Variants in EPB41L4B observed in about 807,000 individuals in gnomAD.
EPB41L4B encodes the protein erythrocyte membrane protein band 4.1 like 4B, also known as band 4.1-like protein 4B.
In EPB41L4B, 30 loss-of-function variants were observed where a neutral mutation model predicts 112.5. The observed-to-expected ratio is 0.27, with a 90% CI of 0.20 to 0.36. EPB41L4B has a LOEUF of 0.36. EPB41L4B is among the 10% of genes least tolerant of loss of function. The pLI, the probability that EPB41L4B is intolerant of heterozygous loss-of-function variation, is 1.00. For missense variants in EPB41L4B, 1,024 were observed against 1,133.3 expected (o/e 0.90, Z 1.38); for synonymous variants, 408 against 439.7 (o/e 0.93, Z 0.90).
intron 15 of EPB41L4B, among the ~76,000 whole-genome samples, chr9:109,236,256 G>A (rs1834137358): frequency 6.6e-6 from 1 of 152,128 alleles, no homozygotes; most frequent in Non-Finnish European, 1.5e-5. Flanking sequence ...TAGATTGCAG[G>A]GGGCCAGTTA....
chr9:109,231,305 G>A (rs368293211), intron 15 of EPB41L4B, among the ~76,000 whole-genome samples: 18 of 152,106 alleles, frequency 1.2e-4, no homozygotes, highest in Non-Finnish European at 1.8e-4. Flanking sequence ...TGCTAGCACA[G>A]TTGATGTATG....
intron 14 of EPB41L4B, among the ~76,000 whole-genome samples, chr9:109,245,446 T>G (rs980044400): frequency 6.6e-6 from 1 of 152,238 alleles, no homozygotes; most frequent in Non-Finnish European, 1.5e-5. Flanking sequence ...AGTATTTTAG[T>G]GTTAACCCAG....
At chr9:109,220,759 G>T (rs553982003) in intron 15 of EPB41L4B, among the ~76,000 whole-genome samples, 2 of 152,074 alleles carry the variant, frequency 1.3e-5, no homozygotes, top group East Asian at 3.9e-4. Context: ...GTGCACGTGC[G>T]TGTGTTGGTG....
intron 15 of EPB41L4B, chr9:109,239,771 T>C (rs1274110705): frequency 2.1e-6 from 2 of 959,986 alleles, no homozygotes; most frequent in Non-Finnish European, 1.2e-6. Context: ...TTATATGGCA[T>C]ACACAATTTC....
intron 7 of EPB41L4B, among the ~76,000 whole-genome samples, chr9:109,257,380 A>G (rs1835022790): frequency 6.6e-6 from 1 of 152,118 alleles, no homozygotes; most frequent in Non-Finnish European, 1.5e-5. Context: ...TGCAGGGGGA[A>G]TGGAGGGAAA....
chr9:109,294,992 C>T (rs755506493), intron 1 of EPB41L4B, among the ~76,000 whole-genome samples: 7 of 152,064 alleles, frequency 4.6e-5, no homozygotes, highest in African/African-American at 1.7e-4. Context: ...TCCACGGTGA[C>T]GAGGAAAGTG....
intron 15 of EPB41L4B, among the ~76,000 whole-genome samples, chr9:109,237,257 G>A (rs1331893353): frequency 2.0e-5 from 3 of 152,152 alleles, no homozygotes; most frequent in African/African-American, 7.2e-5. Context: ...AAACGAAATA[G>A]GCAAAAGGGT....
intron 24 of EPB41L4B, among the ~76,000 whole-genome samples, chr9:109,176,908 T>C (rs540066166): frequency 3.9e-5 from 6 of 152,346 alleles, no homozygotes; most frequent in East Asian, 1.9e-4. Context: ...GTAGCGATTA[T>C]ATTTCCTCAC....
chr9:109,295,451 A>G (rs1282979080), intron 1 of EPB41L4B, among the ~76,000 whole-genome samples: 1 of 152,210 alleles, frequency 6.6e-6, no homozygotes, highest in Non-Finnish European at 1.5e-5. Context: ...CTCAGTGGAC[A>G]TACTTGGATG....
intron 14 of EPB41L4B, among the ~76,000 whole-genome samples, chr9:109,246,824 A>C (rs1834575780): frequency 6.6e-6 from 1 of 152,250 alleles, no homozygotes; most frequent in African/African-American, 2.4e-5. Context: ...ATAGAAACGT[A>C]CCTGTGCTCC....
chr9:109,174,708 T>C (rs1160068313), intron 25 of EPB41L4B, 85 bp from the exon 26 acceptor site: 2 of 1,132,894 alleles, frequency 1.8e-6, no homozygotes, highest in Middle Eastern at 2.4e-4. Context: ...TCCCAGGTTC[T>C]TTCCTGATCT....
intron 1 of EPB41L4B, among the ~76,000 whole-genome samples, chr9:109,285,247 A>G (rs1380124859): frequency 1.3e-5 from 2 of 152,254 alleles, no homozygotes; most frequent in Non-Finnish European, 2.9e-5. Context: ...GAAGAGGGTT[A>G]GCCTAAGTTT....
At chr9:109,215,396 C>T (rs1175271291) in intron 16 of EPB41L4B, among the ~76,000 whole-genome samples, 2 of 152,214 alleles carry the variant, frequency 1.3e-5, no homozygotes, top group East Asian at 1.9e-4. Context: ...TCTCGTGCCT[C>T]GGCCTCCCAA....
rs528748472 is a variant in EPB41L4B at position 109,185,320 on chromosome 9, GGCCAGCTGGACTCCAA to G, written c.2418+153_2418+168del. ...TAGCTGCATGTTCCAAACTGACCAGGGCCAGCTGGACTCCAAATCCTCCATCCATCTGGAGTGAGGG... is the reference window on the plus strand; with the variant it reads ...TAGCTGCATGTTCCAAACTGACCAGGATCCTCCATCCATCTGGAGTGAGGG... On this transcript the variant is annotated intron_variant, in intron 23 of 25. Coordinates refer to ENST00000374566, the MANE Select transcript of EPB41L4B (RefSeq NM_019114.5). 6.5e-3 allele frequency among the ~76,000 whole-genome samples: 984 copies of G among 152,292 alleles called. 4 individuals are homozygous for G. The highest frequency in any genetic ancestry group is 0.013 in the Admixed American group (193 of 15,296).
intron 7 of EPB41L4B, 29 bp downstream of exon 7, chr9:109,258,148 C>G (rs1452804442): frequency 6.3e-7 from 1 of 1,599,196 alleles, no homozygotes; most frequent in Admixed American, 1.7e-5. Context: ...ATAGATACAT[C>G]AGAATGCTAG....
intron 11 of EPB41L4B, among the ~76,000 whole-genome samples, chr9:109,253,928 C>G (rs7019626): frequency 0.88 from 134,152 of 152,286 alleles, 59,197 homozygotes; most frequent in Middle Eastern, 0.96. Context: ...TTATCAATAC[C>G]CACTTAACTA....
intron 25 of EPB41L4B, among the ~76,000 whole-genome samples, chr9:109,174,912 GTTTTTTTTTTTT>G (rs35440007): frequency 0.024 from 1,798 of 74,738 alleles, 23 homozygotes; most frequent in Middle Eastern, 0.069. Flanking sequence ...TCAGTAAAGT[GTTTTTTTTTTTT>G]TTTTTTTTTT....
At chr9:109,249,107 A>G (rs1332535593) in intron 13 of EPB41L4B, among the ~76,000 whole-genome samples, 1 of 150,802 alleles carries the variant, frequency 6.6e-6, no homozygotes, top group African/African-American at 2.4e-5. Context: ...ATATGGACAG[A>G]GCAGGCAATC....
At chr9:109,212,202 T>C (rs1036812307) in intron 17 of EPB41L4B, among the ~76,000 whole-genome samples, 3 of 152,226 alleles carry the variant, frequency 2.0e-5, no homozygotes, top group Admixed American at 6.5e-5. Flanking sequence ...CTACACTATA[T>C]GCTGTATTTC....
Sources: allele counts gnomAD v4.1 joint callset (sites outside exome capture counted in the v4.1 genomes callset), GRCh38; gene constraint gnomAD v4.1.1; transcripts MANE v1.5; gene names NCBI Gene and HGNC (gene_info 2026-07-23, HGNC 2026-07-21).